CHD8: variants seen among roughly 807,000 people sequenced by gnomAD.
CHD8 encodes ATP-dependent chromatin remodeler CHD8.
A neutral mutation model predicts 279.2 loss-of-function variants in CHD8; 31 were observed. The observed-to-expected ratio is 0.11, with a 90% confidence interval of 0.08 to 0.15. The LOEUF is 0.15. Ranked by LOEUF, CHD8 falls within the 10% of genes least tolerant of loss-of-function variation. CHD8 has a pLI of 1.00. For missense variants in CHD8, 2,146 were observed against 3,230.5 expected, an observed-to-expected ratio of 0.66 and a Z score of 8.14; for synonymous variants, 1,081 against 1,139.6, an observed-to-expected ratio of 0.95 and a Z score of 1.04.
rs1888116998 is a variant in CHD8 at position 21,403,381 on chromosome 14, A to G, written c.3518+72T>C. Reference sequence around the variant, plus strand: ...ATTGCAATTGGTGAACTCTAATTAAATCCAGGCCCTCCTACTTTTTGCTGC... The same window carrying G: ...ATTGCAATTGGTGAACTCTAATTAAGTCCAGGCCCTCCTACTTTTTGCTGC... On this transcript the variant is annotated intron_variant, in intron 17 of 37. Coordinates refer to ENST00000646647, the MANE Select transcript of CHD8 (RefSeq NM_001170629.2). The surrounding 1 kb of genome is among the most constrained non-coding windows in gnomAD (Gnocchi z 4.3). The G allele has an allele frequency of 7.4e-7, 1 of 1,345,206 alleles. No homozygotes were observed. Among genetic ancestry groups the G allele is most frequent in the African/African-American group, 1.5e-5 (1 of 68,552 alleles). The allele number at this position is 1,345,206 out of a possible 1,614,324, so 83.3% of individuals were successfully genotyped here. A position where few individuals can be genotyped will look rare whatever the true frequency, so the allele number is the denominator to read the frequency against.
intron 1 of CHD8, among the ~76,000 whole-genome samples, chr14:21,454,187 G>GAAAAC (rs1555321165): frequency 6.8e-6 from 1 of 146,870 alleles, no homozygotes; most frequent in Non-Finnish European, 1.5e-5. Flanking sequence ...GAAAAGAAAA[G>GAAAAC]AAAAGAAAAG....
At chr14:21,423,472 C>T (rs954138064) in intron 5 of CHD8, among the ~76,000 whole-genome samples, 3 of 152,044 alleles carry the variant, frequency 2.0e-5, no homozygotes, top group Admixed American at 6.6e-5. Context: ...TCTTAAGGGT[C>T]CCCCCTCTCA....
rs1365205249 is a variant in CHD8, at chr14:21,393,465, C to T, written c.6319+11G>A. On this transcript the variant is annotated intron_variant, in intron 32 of 37. Coordinates refer to ENST00000646647, the MANE Select transcript of CHD8 (RefSeq NM_001170629.2). ...AGGGAAGGGGGCCAACAGCCTGTCA[C>T]ATGCACTCACTTAGCTTCTCTTCCT... 6.5e-7 allele frequency: 1 copy of T among 1,550,242 alleles called. No homozygotes were observed. Among genetic ancestry groups the T allele is most frequent in the East Asian group, 2.4e-5 (1 of 41,700 alleles).
intron 5 of CHD8, chr14:21,425,850 C>T (rs908165186): frequency 1.5e-5 from 5 of 323,680 alleles, no homozygotes; most frequent in African/African-American, 4.3e-5. Flanking sequence ...GCAGGATAAT[C>T]GTTTGAAACC....
At chr14:21,411,191 C>A (rs972043659) in intron 10 of CHD8, among the ~76,000 whole-genome samples, 3 of 152,122 alleles carry the variant, frequency 2.0e-5, no homozygotes, top group African/African-American at 7.2e-5. Flanking sequence ...AGGCTGAGAT[C>A]CTGAAAAATG....
chr14:21,449,362 A>ATG (rs561865077), intron 1 of CHD8, among the ~76,000 whole-genome samples: 13 of 152,156 alleles, frequency 8.5e-5, no homozygotes, highest in Non-Finnish European at 1.9e-4. Context: ...ATAACATACA[A>ATG]TGTTTGGCAC....
Position 21,400,672 on chromosome 14 carries a change from G to T in CHD8, c.4371-60C>A. The T allele has an allele frequency of 7.0e-7, 1 of 1,432,380 alleles. No individual in the cohort carries two copies. The highest frequency in any genetic ancestry group is 9.3e-7 in the Non-Finnish European group (1 of 1,071,734). 88.7% of individuals were successfully genotyped at this position (1,432,380 alleles called of 1,614,324 possible). A position where few individuals can be genotyped will look rare whatever the true frequency, so the allele number is the denominator to read the frequency against. Reference sequence around the variant, plus strand: ...AGAAATGACAGTCCCCTGTCCCTCAGAATCATGTCTCTGAAAAGGTGTGAA... The same window carrying T: ...AGAAATGACAGTCCCCTGTCCCTCATAATCATGTCTCTGAAAAGGTGTGAA... On this transcript the variant is annotated intron_variant, in intron 22 of 37. Coordinates refer to ENST00000646647, the MANE Select transcript of CHD8 (RefSeq NM_001170629.2). The surrounding 1 kb of genome is among the most constrained non-coding windows in gnomAD (Gnocchi z 4.2).
At chr14:21,406,181 T>C (rs767817053) in intron 14 of CHD8, among the ~76,000 whole-genome samples, 23 of 152,182 alleles carry the variant, frequency 1.5e-4, no homozygotes, top group Non-Finnish European at 2.9e-4. Flanking sequence ...CCCACAGATA[T>C]CCTAAAATCT....
Position 21,403,633 on chromosome 14 carries a change from C to T in CHD8, c.3338G>A (p.Arg1113His), listed in dbSNP as rs182713755. 7 of 1,600,670 alleles carry T rather than the reference C, an allele frequency of 4.4e-6. No homozygotes were observed. In the Admixed American group the frequency reaches 5.2e-5, roughly 12 times the overall value. ...ATGAGGTATAATATGGCAAGCTTCA[C>T]GGAATTCTGTTAGGATTTTTTCTTC... ...GAEEKILTEF[R>H]EACHIIPHDF... is the part of the protein sequence containing the mutation. Residue 1113 changes from arginine to histidine, a missense_variant, in exon 17 of 38, where the codon CGT becomes CAT. Around this residue, in one of 26 missense-constraint regions of CHD8, gnomAD observed 30 missense variants for 28.4 expected, o/e 1.06. Transcript: ENST00000646647. This position sits in a 1 kb window ranked among gnomAD's most constrained non-coding sequence, Gnocchi z 4.3.
chr14:21,398,106 C>G (rs1354588881), intron 26 of CHD8, 154 bp from the exon 27 acceptor site: 1 of 608,474 alleles, frequency 1.6e-6, no homozygotes, highest in East Asian at 3.1e-5. Flanking sequence ...GGGTTTATTA[C>G]TATATTTAAC....
In CHD8 at chr14:21,399,647, C is replaced by T. The variant is rs767921228; in HGVS notation, c.4876G>A (p.Asp1626Asn). 5.6e-6 allele frequency: 9 copies of T among 1,613,782 alleles called. 1 individual carries two copies. In the South Asian group the frequency reaches 9.9e-5, roughly 18 times the overall value. The change falls in exon 26 of 38, where the codon GAC becomes AAC. Residue 1626 changes from aspartate to asparagine, a missense_variant. Coordinates refer to ENST00000646647, the MANE Select transcript of CHD8 (RefSeq NM_001170629.2). The stretch of plus-strand genomic sequence containing the variant: ...AGCAGCGACTTGTCAGCCTCACTGT[C>T]CCACCAAGTTGTTGGAACCTCCAGT... ...DQLEVPTTWWDSEADKSLLIG... is the reference protein window; with the variant it reads ...DQLEVPTTWWNSEADKSLLIG...
chr14:21,406,041 A>G (rs1888240685), intron 14 of CHD8, among the ~76,000 whole-genome samples, 177 bp from the exon 15 acceptor site: 1 of 152,202 alleles, frequency 6.6e-6, no homozygotes, highest in African/African-American at 2.4e-5. Context: ...CTCTTTCGAT[A>G]AACACAAAGC....
At position 21,454,072 on chromosome 14, in the gene CHD8, T is replaced by G. The variant is rs568429523; in HGVS notation, c.-216+1960A>C. ...ACTCGGAAGGCTCAGGCAGGAGAAT[T>G]ACTTGAACCTGGGAGGCGGAGGTTG... On this transcript the variant is annotated intron_variant, in intron 1 of 37. Transcript: ENST00000646647. 2.1e-3 allele frequency among the ~76,000 whole-genome samples: 320 copies of G among 151,184 alleles called. 1 individual carries two copies. Among genetic ancestry groups the G allele is most frequent in the African/African-American group, 7.7e-3 (315 of 41,172 alleles).
At position 21,405,897 on chromosome 14, in the gene CHD8, A is replaced by G. The variant is rs1305350729; in HGVS notation, c.2908-33T>C. On this transcript the variant is annotated intron_variant, in intron 14 of 37. Transcript: ENST00000646647. This position sits in a 1 kb window ranked among gnomAD's most constrained non-coding sequence, Gnocchi z 4.2. ...TGGAGGAAACAAAAGAATAAAATTT[A>G]AAAACATGAAGGACTTCTGGGGTTT... The G allele has an allele frequency of 6.3e-7, 1 of 1,584,680 alleles. No individual in the cohort carries two copies. Among genetic ancestry groups the G allele is most frequent in the East Asian group, 2.2e-5 (1 of 44,588 alleles).
At chr14:21,454,751 TG>T (rs1336737293) in intron 1 of CHD8, among the ~76,000 whole-genome samples, 3 of 152,184 alleles carry the variant, frequency 2.0e-5, no homozygotes, top group African/African-American at 7.2e-5. Context: ...ACATGGAAAA[TG>T]TTTTTCTTAT....
intron 37 of CHD8, among the ~76,000 whole-genome samples, chr14:21,389,604 C>CT (rs1346207928): frequency 8.6e-5 from 13 of 151,976 alleles, no homozygotes; most frequent in Non-Finnish European, 2.9e-5. Context: ...GGGCAAGACT[C>CT]TGTCTCAAAA....
chr14:21,397,473 C>T (rs922704844), intron 27 of CHD8: 21 of 433,924 alleles, frequency 4.8e-5, no homozygotes, highest in South Asian at 1.8e-4. Flanking sequence ...GGGCTGAAAG[C>T]GCCTAAGGCT....
chr14:21,429,362 A>G (rs966585128), intron 2 of CHD8, 27 bp from the exon 3 acceptor site: 4 of 1,601,576 alleles, frequency 2.5e-6, no homozygotes, highest in Admixed American at 3.4e-5. Flanking sequence ...AAATTGCAAG[A>G]GTACAACATT....
intron 33 of CHD8, 25 bp downstream of exon 33, chr14:21,393,081 G>A (rs1403316820): frequency 3.4e-5 from 54 of 1,610,552 alleles, no homozygotes; most frequent in Non-Finnish European, 4.4e-5. Context: ...GACTCTACAT[G>A]TCCAGGGATG....
Sources: gnomAD v4.1 joint callset for allele counts (sites outside exome capture counted in the v4.1 genomes callset) on GRCh38, gnomAD v4.1.1 for gene constraint, gnomAD v4.1.1 regional missense constraint, Gnocchi (gnomAD v3.1) non-coding constraint, MANE v1.5 for transcripts, NCBI Gene and HGNC (gene_info 2026-07-23, HGNC 2026-07-21) for gene names.